The following ITPR2 variants were observed in gnomAD, a reference collection of about 807,000 sequenced individuals.
ITPR2 encodes inositol 1,4,5-trisphosphate-gated calcium channel ITPR2.
Under a neutral mutation model 317.1 loss-of-function variants are expected in ITPR2, and 207 were observed. The ratio of observed to expected loss-of-function variants is 0.65; its 90% CI spans 0.58 to 0.73. ITPR2 has a LOEUF of 0.73. Ranked by LOEUF, ITPR2 falls within the 30% of genes least tolerant of loss-of-function variation. ITPR2 has a pLI of 0.00. For missense variants in ITPR2, 2,613 were observed against 3,284.0 expected, an observed-to-expected ratio of 0.80 and a Z score of 4.99; for synonymous variants, 1,156 against 1,149.1, an observed-to-expected ratio of 1.01 and a Z score of -0.12.
intron 21 of ITPR2, among the ~76,000 whole-genome samples, chr12:26,650,143 A>C (rs1245208041): frequency 6.6e-6 from 1 of 152,210 alleles, no homozygotes. Flanking sequence ...TATAGAAATT[A>C]AATTTATGTG....
intron 32 of ITPR2, among the ~76,000 whole-genome samples, chr12:26,584,805 C>T (rs992477880): frequency 6.6e-6 from 1 of 152,154 alleles, no homozygotes; most frequent in African/African-American, 2.4e-5. Flanking sequence ...ACCTCTAGAG[C>T]CAGTCACATA....
chr12:26,816,976 A>G (rs543610485), intron 1 of ITPR2, among the ~76,000 whole-genome samples: 25 of 152,034 alleles, frequency 1.6e-4, no homozygotes, highest in Non-Finnish European at 2.6e-4. Flanking sequence ...TCAGGAGATC[A>G]AGACCATCCT....
At chr12:26,649,034 C>T (rs756896832) in intron 21 of ITPR2, 4 of 152,156 alleles carry the variant, frequency 2.6e-5, no homozygotes, top group African/African-American at 9.7e-5. Flanking sequence ...TAACATAAAT[C>T]GTTTTCCTAC....
intron 36 of ITPR2, 49 bp downstream of exon 36, chr12:26,556,184 C>T: frequency 1.3e-6 from 2 of 1,590,282 alleles, no homozygotes; most frequent in Non-Finnish European, 1.7e-6. Flanking sequence ...ATGTTAGAGG[C>T]CATGTCAGTT....
At chr12:26,667,116 A>AT (rs1565677491) in intron 13 of ITPR2, among the ~76,000 whole-genome samples, 1 of 152,248 alleles carries the variant, frequency 6.6e-6, no homozygotes, top group African/African-American at 2.4e-5. Flanking sequence ...TAGCATGTGA[A>AT]TACAATGATG....
intron 1 of ITPR2, among the ~76,000 whole-genome samples, chr12:26,829,345 T>C (rs1951062340): frequency 6.6e-6 from 1 of 152,114 alleles, no homozygotes; most frequent in African/African-American, 2.4e-5. Flanking sequence ...GCACCTTTTT[T>C]TTTTAGACAG....
intron 37 of ITPR2, among the ~76,000 whole-genome samples, chr12:26,537,982 T>C (rs1944145264): frequency 6.6e-6 from 1 of 152,212 alleles, no homozygotes; most frequent in Non-Finnish European, 1.5e-5. Flanking sequence ...TCATTATACA[T>C]AAAAAATATC....
At chr12:26,515,879 G>A (rs1187645739) in intron 37 of ITPR2, among the ~76,000 whole-genome samples, 1 of 151,830 alleles carries the variant, frequency 6.6e-6, no homozygotes, top group African/African-American at 2.4e-5. Flanking sequence ...GGAGGCTGAG[G>A]CAGGCAGACT....
intron 34 of ITPR2, among the ~76,000 whole-genome samples, chr12:26,568,413 AT>A (rs1254748824): frequency 6.6e-6 from 1 of 151,722 alleles, no homozygotes; most frequent in Non-Finnish European, 1.5e-5. Context: ...TTTATTCACA[AT>A]TTTTTTTATT....
chr12:26,375,801 A>G (rs1420941659), intron 55 of ITPR2, among the ~76,000 whole-genome samples: 1 of 152,230 alleles, frequency 6.6e-6, no homozygotes, highest in African/African-American at 2.4e-5. Flanking sequence ...TATACCAGGC[A>G]CTTTTCTATT....
chr12:26,526,820 T>C (rs561626082), intron 37 of ITPR2, among the ~76,000 whole-genome samples: 1 of 152,284 alleles, frequency 6.6e-6, no homozygotes, highest in South Asian at 2.1e-4. Flanking sequence ...GACTAGCTGA[T>C]GCATTTGCCA....
chr12:26,815,544 T>G (rs1374503201), intron 1 of ITPR2, among the ~76,000 whole-genome samples: 1 of 152,136 alleles, frequency 6.6e-6, no homozygotes, highest in East Asian at 1.9e-4. Flanking sequence ...AGTTGAAAAT[T>G]CTAGTCAAGG....
chr12:26,394,362 G>A (rs1170658935), intron 54 of ITPR2, among the ~76,000 whole-genome samples: 1 of 152,222 alleles, frequency 6.6e-6, no homozygotes, highest in Non-Finnish European at 1.5e-5. Flanking sequence ...TAAGTGTGAT[G>A]TGAGGAATTT....
intron 49 of ITPR2, among the ~76,000 whole-genome samples, chr12:26,426,478 C>T (rs905565479): frequency 6.6e-6 from 1 of 152,078 alleles, no homozygotes; most frequent in African/African-American, 2.4e-5. Context: ...AAACATGGAG[C>T]TGGGAAGGAG....
At chr12:26,415,534 G>A (rs1430468447) in intron 50 of ITPR2, 36 bp from the exon 51 acceptor site, 1 of 1,375,134 alleles carries the variant, frequency 7.3e-7, no homozygotes, top group Non-Finnish European at 9.7e-7. Context: ...AAGAAAAGAA[G>A]GCATTGGAGG....
At chr12:26,483,388 A>C (rs1228497990) in intron 42 of ITPR2, among the ~76,000 whole-genome samples, 1 of 152,242 alleles carries the variant, frequency 6.6e-6, no homozygotes, top group African/African-American at 2.4e-5. Context: ...GGAGCCAAAG[A>C]AAGTTTATTC....
intron 40 of ITPR2, 136 bp downstream of exon 40, chr12:26,486,932 T>A: frequency 7.5e-6 from 7 of 934,574 alleles, no homozygotes; most frequent in East Asian, 2.5e-5. Context: ...ATGACCAAAA[T>A]TCTTTATGGA....
rs182854071 is a variant in ITPR2, at chr12:26,339,630, A to T, written c.8020-147T>A. On this transcript the variant is annotated intron_variant, in intron 56 of 56. Transcript: ENST00000381340. ...TATTTATCAAAAAAGGGATTTTTTTAAAAGTGAATTTCCATAAACAGAGAA... is the reference window on the plus strand; with the variant it reads ...TATTTATCAAAAAAGGGATTTTTTTTAAAGTGAATTTCCATAAACAGAGAA... 68 of 580,976 alleles carry T rather than the reference A, an allele frequency of 1.2e-4. 1 individual carries two copies. The East Asian group carries it at 1.6e-3, about 13-fold the overall frequency. 36.0% of individuals were successfully genotyped at this position (580,976 alleles called of 1,614,324 possible). A position where few individuals can be genotyped will look rare whatever the true frequency, so the allele number is the denominator to read the frequency against.
At chr12:26,799,929 T>C (rs567973106) in intron 1 of ITPR2, among the ~76,000 whole-genome samples, 23 of 152,330 alleles carry the variant, frequency 1.5e-4, no homozygotes, top group Admixed American at 2.6e-4. Context: ...CAGAAAATCA[T>C]TGGTGCTAGA....
Sources: allele counts gnomAD v4.1 joint callset (sites outside exome capture counted in the v4.1 genomes callset), GRCh38; gene constraint gnomAD v4.1.1; transcripts MANE v1.5; gene names NCBI Gene and HGNC (gene_info 2026-07-23, HGNC 2026-07-21).